The following GALNTL6 variants were observed in gnomAD, a reference collection of about 807,000 sequenced individuals.
GALNTL6 encodes polypeptide N-acetylgalactosaminyltransferase-like 6.
In GALNTL6, 46 loss-of-function variants were observed where a neutral mutation model predicts 73.7. The observed-to-expected ratio is 0.62, with a 90% confidence interval of 0.49 to 0.80. The LOEUF (loss-of-function observed/expected upper bound fraction) is 0.80, where lower values mean the gene tolerates loss of function less well. Among genes scored for constraint, GALNTL6 ranks in the 30% least tolerant of loss-of-function variants. GALNTL6 has a pLI of 0.00. For synonymous variants in GALNTL6, 259 were observed against 263.7 expected, an observed-to-expected ratio of 0.98 and a Z score of 0.17; for missense variants, 604 against 755.0, an observed-to-expected ratio of 0.80 and a Z score of 2.34.
intron 5 of GALNTL6, among the ~76,000 whole-genome samples, chr4:172,590,581 C>G (rs1737597199): frequency 6.6e-6 from 1 of 152,146 alleles, no homozygotes; most frequent in Non-Finnish European, 1.5e-5. Flanking sequence ...TAGATGAACT[C>G]GCTTCAGAAT....
chr4:171,995,443 T>A (rs1740457324), intron 2 of GALNTL6, among the ~76,000 whole-genome samples: 1 of 152,060 alleles, frequency 6.6e-6, no homozygotes, highest in African/African-American at 2.4e-5. Flanking sequence ...AATAAATTAT[T>A]CTGTACAGAA....
At chr4:171,949,299 C>CT (rs1291778309) in intron 2 of GALNTL6, among the ~76,000 whole-genome samples, 1 of 152,078 alleles carries the variant, frequency 6.6e-6, no homozygotes, top group Non-Finnish European at 1.5e-5. Context: ...GCAAATGTAT[C>CT]TTTTTTACCT....
At chr4:172,135,274 T>C in intron 2 of GALNTL6, among the ~76,000 whole-genome samples, 1 of 152,130 alleles carries the variant, frequency 6.6e-6, no homozygotes, top group African/African-American at 2.4e-5. Context: ...GAAAATTAAA[T>C]AAATTAATTC....
chr4:171,982,329 GCT>G (rs1739920990), intron 2 of GALNTL6, among the ~76,000 whole-genome samples: 1 of 151,994 alleles, frequency 6.6e-6, no homozygotes, highest in Non-Finnish European at 1.5e-5. Flanking sequence ...ACGGAGTCTC[GCT>G]CTGTCACCCA....
chr4:172,261,124 A>G (rs375468200), intron 3 of GALNTL6, among the ~76,000 whole-genome samples: 22 of 151,594 alleles, frequency 1.5e-4, no homozygotes, highest in Non-Finnish European at 2.2e-4. Flanking sequence ...GCTTCATATA[A>G]TGAATTAGAC....
rs1732085777 is a variant in GALNTL6 at position 172,673,153 on chromosome 4, A to T, written c.554-136208A>T. Among the ~76,000 whole-genome samples, 4 of 152,242 alleles carry T rather than the reference A, an allele frequency of 2.6e-5. 1 individual carries two copies. The South Asian group carries it at 8.3e-4, about 32-fold the overall frequency. ...GTCTAACTTTTTGATGTGGGTATTT[A>T]GTGCTTTAAATTCCCCTGTTAACAC... On this transcript the variant is annotated intron_variant, in intron 5 of 12. Transcript: ENST00000506823.
At position 172,885,009 on chromosome 4, in the gene GALNTL6, T is replaced by A. The variant is rs533053317; in HGVS notation, c.1041+2102T>A. ...ATCTGTTTTTATGCCAGTACCATGC[T>A]ATTTTGATTACAATAGCTTTGTGGT... is the stretch of plus-strand genomic sequence containing the variant. On this transcript the variant is annotated intron_variant, in intron 8 of 12. Transcript: ENST00000506823. Among the ~76,000 whole-genome samples, 4 of 152,320 alleles carry A rather than the reference T, an allele frequency of 2.6e-5. No individual in the cohort carries two copies. The South Asian group carries it at 8.3e-4, about 32-fold the overall frequency.
chr4:171,900,608 G>A (rs192440932), intron 2 of GALNTL6, among the ~76,000 whole-genome samples: 1 of 151,768 alleles, frequency 6.6e-6, no homozygotes, highest in Non-Finnish European at 1.5e-5. Flanking sequence ...GTGAGCCAGC[G>A]CTATTTTAAA....
intron 5 of GALNTL6, among the ~76,000 whole-genome samples, chr4:172,364,161 T>C (rs1216284903): frequency 1.3e-5 from 2 of 152,218 alleles, no homozygotes; most frequent in African/African-American, 4.8e-5. Flanking sequence ...AGCTCATGCC[T>C]GTATTTTCAG....
chr4:172,235,776 C>T (rs1012083141), intron 3 of GALNTL6, among the ~76,000 whole-genome samples: 4 of 152,046 alleles, frequency 2.6e-5, no homozygotes, highest in Non-Finnish European at 5.9e-5. Context: ...GGTAGTTTTT[C>T]AACACTTGCC....
At chr4:172,812,037 GAT>G (rs1741334585) in intron 6 of GALNTL6, among the ~76,000 whole-genome samples, 3 of 151,516 alleles carry the variant, frequency 2.0e-5, no homozygotes, top group Admixed American at 2.0e-4. Flanking sequence ...TGGATGGATG[GAT>G]GGATGGATGG....
At chr4:172,924,725 G>A (rs576012970) in intron 8 of GALNTL6, among the ~76,000 whole-genome samples, 1 of 152,252 alleles carries the variant, frequency 6.6e-6, no homozygotes, top group Admixed American at 6.5e-5. Context: ...TGGGAAGGTA[G>A]TGACTGAGAG....
intron 10 of GALNTL6, among the ~76,000 whole-genome samples, chr4:172,970,540 T>G (rs1750532297): frequency 6.6e-6 from 1 of 152,160 alleles, no homozygotes; most frequent in South Asian, 2.1e-4. Context: ...GTGTATAGGC[T>G]CTCTGCAAGA....
chr4:172,107,413 T>C (rs1184957033), intron 2 of GALNTL6, among the ~76,000 whole-genome samples: 1 of 152,060 alleles, frequency 6.6e-6, no homozygotes, highest in Non-Finnish European at 1.5e-5. Context: ...ACTACCTGAA[T>C]TGTGACATCT....
intron 2 of GALNTL6, among the ~76,000 whole-genome samples, chr4:171,843,443 T>G (rs572057252): frequency 6.6e-6 from 1 of 152,228 alleles, no homozygotes; most frequent in Non-Finnish European, 1.5e-5. Flanking sequence ...GCTGCTAACC[T>G]TAACAATGGA....
intron 5 of GALNTL6, among the ~76,000 whole-genome samples, chr4:172,626,100 ATG>A (rs1286751277): frequency 6.6e-6 from 1 of 152,054 alleles, no homozygotes; most frequent in African/African-American, 2.4e-5. Flanking sequence ...GCCAAGGTTG[ATG>A]TCCAGAATGG....
intron 2 of GALNTL6, among the ~76,000 whole-genome samples, chr4:171,915,278 C>T (rs536097374): frequency 6.6e-6 from 1 of 152,194 alleles, no homozygotes; most frequent in Admixed American, 6.6e-5. Context: ...CTAATTAGGC[C>T]TATGTAAATA....
At chr4:172,321,373 C>T (rs1281550585) in intron 4 of GALNTL6, among the ~76,000 whole-genome samples, 1 of 152,094 alleles carries the variant, frequency 6.6e-6, no homozygotes, top group African/African-American at 2.4e-5. Context: ...TCTGAAACAT[C>T]CTGTTTCCAA....
chr4:171,923,365 C>T (rs1270071831), intron 2 of GALNTL6, among the ~76,000 whole-genome samples: 1 of 151,342 alleles, frequency 6.6e-6, no homozygotes, highest in East Asian at 1.9e-4. Flanking sequence ...AATACCATAA[C>T]CACTGAGCTG....
Sources: gnomAD v4.1 joint callset for allele counts (sites outside exome capture counted in the v4.1 genomes callset) on GRCh38, gnomAD v4.1.1 for gene constraint, MANE v1.5 for transcripts, NCBI Gene and HGNC (gene_info 2026-07-23, HGNC 2026-07-21) for gene names.